Variants in ZBTB7C observed in about 807,000 individuals in gnomAD.
ZBTB7C encodes the protein zinc finger and BTB domain-containing protein 7C.
ZBTB7C carries 8 observed loss-of-function variants against 25.7 expected under a neutral mutation model. The observed-to-expected ratio is 0.31, with a 90% CI of 0.18 to 0.56. ZBTB7C has a LOEUF of 0.56. ZBTB7C is among the 20% of genes least tolerant of loss of function. The pLI is 0.91. For missense variants in ZBTB7C, 824 were observed against 855.2 expected, an observed-to-expected ratio of 0.96 and a Z score of 0.46; for synonymous variants, 394 against 369.0, an observed-to-expected ratio of 1.07 and a Z score of -0.78.
At chr18:48,392,531 C>T (rs928260608) in intron 1 of ZBTB7C, among the ~76,000 whole-genome samples, 4 of 152,152 alleles carry the variant, frequency 2.6e-5, no homozygotes, top group East Asian at 1.9e-4. Flanking sequence ...TAGGAAGTTC[C>T]GTGCTTGAGC....
intron 3 of ZBTB7C, among the ~76,000 whole-genome samples, chr18:48,116,588 C>A (rs928420468): frequency 6.6e-6 from 1 of 152,124 alleles, no homozygotes. Flanking sequence ...GCTTTCCTAC[C>A]GCTACCCTGG....
At chr18:48,370,122 C>G (rs1005620961) in intron 1 of ZBTB7C, among the ~76,000 whole-genome samples, 1 of 152,002 alleles carries the variant, frequency 6.6e-6, no homozygotes, top group Non-Finnish European at 1.5e-5. Context: ...TACTTAGAAC[C>G]AAAGCAACAT....
intron 3 of ZBTB7C, among the ~76,000 whole-genome samples, chr18:48,049,327 T>C (rs188751377): frequency 3.8e-4 from 58 of 152,278 alleles, no homozygotes; most frequent in African/African-American, 1.3e-3. Context: ...ATTGCATGGA[T>C]CTCGCCGAGT....
chr18:48,347,044 A>G (rs2046747657), intron 1 of ZBTB7C, among the ~76,000 whole-genome samples: 1 of 151,794 alleles, frequency 6.6e-6, no homozygotes, highest in African/African-American at 2.4e-5. Context: ...CAGCCTCCCA[A>G]AGTGCTGGGA....
chr18:48,258,559 G>T (rs1360557886), intron 2 of ZBTB7C, among the ~76,000 whole-genome samples: 2 of 152,158 alleles, frequency 1.3e-5, no homozygotes, highest in Non-Finnish European at 2.9e-5. Context: ...GAAAATTAAA[G>T]ATCTAAATAC....
At chr18:48,246,041 C>T (rs1346015393) in intron 2 of ZBTB7C, among the ~76,000 whole-genome samples, 1 of 152,038 alleles carries the variant, frequency 6.6e-6, no homozygotes, top group African/African-American at 2.4e-5. Flanking sequence ...ACTGTAAATA[C>T]TAAATTTGGA....
At chr18:48,168,362 T>A (rs1274913048) in intron 3 of ZBTB7C, among the ~76,000 whole-genome samples, 1 of 152,160 alleles carries the variant, frequency 6.6e-6, no homozygotes, top group South Asian at 2.1e-4. Context: ...TTTCTAAACA[T>A]GAAACAAACC....
At chr18:48,125,054 T>C (rs1475726641) in intron 3 of ZBTB7C, among the ~76,000 whole-genome samples, 2 of 152,222 alleles carry the variant, frequency 1.3e-5, no homozygotes, top group Non-Finnish European at 2.9e-5. Flanking sequence ...AGAGGTTTGC[T>C]GCATGGGAGC....
At chr18:48,355,170 A>C (rs1232738737) in intron 1 of ZBTB7C, among the ~76,000 whole-genome samples, 1 of 152,114 alleles carries the variant, frequency 6.6e-6, no homozygotes. Flanking sequence ...TTATAACATG[A>C]GCCTCTTGGA....
At chr18:48,038,723 C>A (rs2036083980) in intron 4 of ZBTB7C, among the ~76,000 whole-genome samples, 1 of 152,134 alleles carries the variant, frequency 6.6e-6, no homozygotes, top group African/African-American at 2.4e-5. Context: ...GGCAGCAGCA[C>A]CGCCACCGGA....
At chr18:48,184,706 G>C (rs1319445470) in intron 3 of ZBTB7C, among the ~76,000 whole-genome samples, 2 of 152,112 alleles carry the variant, frequency 1.3e-5, no homozygotes, top group African/African-American at 4.8e-5. Flanking sequence ...GGAAAGGCAA[G>C]TGGACAATTG....
chr18:48,356,804 A>C (rs1467284862), intron 1 of ZBTB7C, among the ~76,000 whole-genome samples: 1 of 152,208 alleles, frequency 6.6e-6, no homozygotes, highest in African/African-American at 2.4e-5. Context: ...ACTGAGGCCC[A>C]AAGCAGTGAG....
At chr18:48,198,707 C>A (rs1009945130) in intron 2 of ZBTB7C, among the ~76,000 whole-genome samples, 2 of 152,186 alleles carry the variant, frequency 1.3e-5, no homozygotes, top group African/African-American at 4.8e-5. Flanking sequence ...TCACCCAGAG[C>A]GATCTCCCCA....
chr18:48,114,181 G>T (rs2144682110), intron 3 of ZBTB7C, among the ~76,000 whole-genome samples: 1 of 152,284 alleles, frequency 6.6e-6, no homozygotes, highest in South Asian at 2.1e-4. Flanking sequence ...CTGATGGATG[G>T]GTGGGAGAGT....
At chr18:48,391,010 C>T (rs147713029) in intron 1 of ZBTB7C, among the ~76,000 whole-genome samples, 2 of 152,366 alleles carry the variant, frequency 1.3e-5, no homozygotes, top group East Asian at 3.9e-4. Context: ...CAGACCTGGA[C>T]TCCAACCCTC....
intron 2 of ZBTB7C, among the ~76,000 whole-genome samples, chr18:48,296,620 T>A (rs2045398746): frequency 6.6e-6 from 1 of 152,202 alleles, no homozygotes; most frequent in South Asian, 2.1e-4. Flanking sequence ...CCACAGCACG[T>A]TCCCGAGTCT....
chr18:48,266,996 C>A (rs530889928), intron 2 of ZBTB7C, among the ~76,000 whole-genome samples: 1 of 152,126 alleles, frequency 6.6e-6, no homozygotes, highest in Non-Finnish European at 1.5e-5. Flanking sequence ...CTCTATAGCT[C>A]AAAAATTCCT....
At chr18:48,213,455 C>A (rs1457890424) in intron 2 of ZBTB7C, among the ~76,000 whole-genome samples, 1 of 152,184 alleles carries the variant, frequency 6.6e-6, no homozygotes, top group East Asian at 1.9e-4. Flanking sequence ...TTTCCCTGAA[C>A]CTTTCCGTCT....
rs58586348 is a variant in ZBTB7C, at chr18:48,043,539, T to C, written c.-16-2416A>G. On this transcript the variant is annotated intron_variant, in intron 3 of 4. Transcript: ENST00000590800. Reference sequence around the variant, plus strand: ...TATAACATTCTTGAGATGATAAAGTTATAGAAATGGAGAAGAGATGAGGGT... The same window carrying C: ...TATAACATTCTTGAGATGATAAAGTCATAGAAATGGAGAAGAGATGAGGGT... Among the ~76,000 whole-genome samples the C allele has an allele frequency of 7.4e-3, 1,120 of 152,234 alleles. 13 individuals carry two copies. The highest frequency in any genetic ancestry group is 0.025 in the African/African-American group (1,050 of 41,518).
Sources: gnomAD v4.1 joint callset for allele counts (sites outside exome capture counted in the v4.1 genomes callset) on GRCh38, gnomAD v4.1.1 for gene constraint, MANE v1.5 for transcripts, NCBI Gene and HGNC (gene_info 2026-07-23, HGNC 2026-07-21) for gene names.